Variants in TNS3 observed in about 807,000 individuals in gnomAD.
The protein encoded by TNS3 is tensin-3.
In TNS3, 45 loss-of-function variants were observed where a neutral mutation model predicts 140.9. The ratio of observed to expected loss-of-function variants is 0.32; its 90% CI spans 0.25 to 0.41. The LOEUF (loss-of-function observed/expected upper bound fraction) is 0.41. TNS3 is among the 10% of genes least tolerant of loss of function. TNS3 has a pLI of 1.00. For synonymous variants in TNS3, 815 were observed against 788.4 expected (o/e 1.03, Z -0.56); for missense variants, 1,716 against 1,906.7 (o/e 0.90, Z 1.86).
intron 20 of TNS3, among the ~76,000 whole-genome samples, chr7:47,313,921 C>G (rs1324870965): frequency 2.6e-5 from 4 of 152,208 alleles, no homozygotes; most frequent in African/African-American, 9.7e-5. Context: ...TCTGTCAGAC[C>G]AGTTCCTGAC....
intron 2 of TNS3, among the ~76,000 whole-genome samples, chr7:47,513,130 T>C (rs1798666284): frequency 6.6e-6 from 1 of 152,206 alleles, no homozygotes; most frequent in Admixed American, 6.5e-5. Context: ...TCTCAGAAAT[T>C]TAAAAAAATG....
intron 16 of TNS3, among the ~76,000 whole-genome samples, chr7:47,382,955 G>C (rs1292505661): frequency 1.3e-5 from 2 of 152,194 alleles, no homozygotes; most frequent in Non-Finnish European, 2.9e-5. Context: ...GAGGTTGGCA[G>C]TATGTTTAGT....
At chr7:47,301,862 C>T (rs1302909666) in intron 23 of TNS3, among the ~76,000 whole-genome samples, 1 of 152,186 alleles carries the variant, frequency 6.6e-6, no homozygotes, top group Non-Finnish European at 1.5e-5. Flanking sequence ...CTCCTCCTCA[C>T]AGTCAGCAGT....
intron 1 of TNS3, among the ~76,000 whole-genome samples, chr7:47,557,929 C>T (rs919052236): frequency 9.8e-5 from 15 of 152,326 alleles, no homozygotes; most frequent in African/African-American, 3.1e-4. Flanking sequence ...GCCTCTTTTC[C>T]AGAGGGCTGC....
At chr7:47,352,626 C>T (rs111409552) in intron 17 of TNS3, among the ~76,000 whole-genome samples, 2,158 of 152,310 alleles carry the variant, frequency 0.014, 54 homozygotes, top group African/African-American at 0.049. Context: ...TCCTTTCCAT[C>T]CTGGCCCCTT....
At chr7:47,302,051 T>G in intron 23 of TNS3, 135 bp downstream of exon 23, 1 of 682,878 alleles carries the variant, frequency 1.5e-6, no homozygotes, top group Non-Finnish European at 2.6e-6. Context: ...GAATAACGTG[T>G]GGGCCCTGCT....
rs527976513 is a variant in TNS3, at chr7:47,455,004, C to T, written c.-75-12949G>A. ...GTTAGATGTCCCACCCAAACTCACA[C>T]AGATCCCCCTGCAGAGAGCCTGGAA... is the stretch of plus-strand genomic sequence containing the variant. On this transcript the variant is annotated intron_variant, in intron 4 of 30. Coordinates refer to ENST00000311160, the MANE Select transcript of TNS3 (RefSeq NM_022748.12). 2.2e-4 allele frequency among the ~76,000 whole-genome samples: 34 copies of T among 152,304 alleles called. No homozygotes were observed. The East Asian group carries it at 3.3e-3, about 15-fold the overall frequency.
chr7:47,475,454 C>T (rs1478988769), intron 4 of TNS3, among the ~76,000 whole-genome samples: 1 of 152,244 alleles, frequency 6.6e-6, no homozygotes, highest in African/African-American at 2.4e-5. Context: ...CCCTCCCACA[C>T]CAGAGGCCGC....
chr7:47,522,384 C>T (rs1233846418), intron 2 of TNS3, among the ~76,000 whole-genome samples: 1 of 152,106 alleles, frequency 6.6e-6, no homozygotes, highest in African/African-American at 2.4e-5. Context: ...ACAGCCTCCA[C>T]GTAACTTCCG....
Position 47,458,319 on chromosome 7 carries a change from T to C in TNS3, c.-75-16264A>G, listed in dbSNP as rs532296748. ...GGGCTCTGCCAAAGGGCAGCTTCAC[T>C]AGCTGAGCACAGGGCATCCATTTCC... On this transcript the variant is annotated intron_variant, in intron 4 of 30. Transcript: ENST00000311160. Among the ~76,000 whole-genome samples the C allele has an allele frequency of 4.6e-5, 7 of 152,334 alleles. No individual in the cohort carries two copies. In the South Asian group the frequency reaches 1.4e-3, roughly 32 times the overall value.
chr7:47,538,213 C>T (rs1799675295), intron 1 of TNS3, among the ~76,000 whole-genome samples: 1 of 152,202 alleles, frequency 6.6e-6, no homozygotes, highest in South Asian at 2.1e-4. Context: ...CAATGCCTGT[C>T]GGACTTCACC....
intron 4 of TNS3, among the ~76,000 whole-genome samples, chr7:47,449,949 T>C (rs1035987951): frequency 2.6e-5 from 4 of 152,062 alleles, no homozygotes; most frequent in Non-Finnish European, 2.9e-5. Context: ...AGAAAACAAC[T>C]AACTGTGAAT....
intron 16 of TNS3, among the ~76,000 whole-genome samples, chr7:47,392,730 T>A (rs999546577): frequency 2.0e-5 from 3 of 151,948 alleles, no homozygotes; most frequent in African/African-American, 7.3e-5. Flanking sequence ...CTGCCTGGAG[T>A]AATAGCTCAC....
In TNS3 at chr7:47,485,405, C is replaced by T. The variant is rs79668876; in HGVS notation, c.-114-4264G>A. ...AGCTGCGTCTCAGAGAGGGCCAGCG[C>T]CAGCCACGGGAACTCTCCCAGAGAT... On this transcript the variant is annotated intron_variant, in intron 3 of 30. Coordinates refer to ENST00000311160, the MANE Select transcript of TNS3 (RefSeq NM_022748.12). 7.4e-3 allele frequency among the ~76,000 whole-genome samples: 1,129 copies of T among 152,358 alleles called. 12 individuals are homozygous for T. Among genetic ancestry groups the T allele is most frequent in the African/African-American group, 0.026 (1,064 of 41,588 alleles).
In TNS3 at chr7:47,285,455, A is replaced by G. The variant is rs529286433; in HGVS notation, c.3929-1590T>C. Among the ~76,000 whole-genome samples the G allele has an allele frequency of 1.5e-4, 23 of 152,254 alleles. No individual in the cohort carries two copies. In the South Asian group the frequency reaches 4.4e-3, roughly 29 times the overall value. ...GTCTCACGAGATCTGATGATTTTAT[A>G]AAGGGTAGTTCCCCTGCACATACTC... On this transcript the variant is annotated intron_variant, in intron 27 of 30. Transcript: ENST00000311160.
intron 15 of TNS3, among the ~76,000 whole-genome samples, chr7:47,397,519 ATT>A (rs1792905161): frequency 6.6e-6 from 1 of 152,186 alleles, no homozygotes; most frequent in African/African-American, 2.4e-5. Flanking sequence ...AGGGAAAAAA[ATT>A]GTTTCGCACA....
intron 1 of TNS3, among the ~76,000 whole-genome samples, chr7:47,544,826 G>A (rs1240357904): frequency 6.6e-6 from 1 of 152,016 alleles, no homozygotes; most frequent in East Asian, 1.9e-4. Flanking sequence ...CCGAAAATGA[G>A]AACATAGGAA....
chr7:47,456,254 G>T (rs1413892774), intron 4 of TNS3, among the ~76,000 whole-genome samples: 2 of 152,178 alleles, frequency 1.3e-5, no homozygotes, highest in Admixed American at 1.3e-4. Context: ...AGCCCAGGGT[G>T]CACTTCCCAG....
intron 30 of TNS3, 65 bp downstream of exon 30, chr7:47,280,099 G>T: frequency 6.3e-7 from 1 of 1,592,806 alleles, no homozygotes; most frequent in Non-Finnish European, 8.6e-7. Context: ...AAATCTGGAA[G>T]AGAATTCAAC....
Sources: gnomAD v4.1 joint callset for allele counts (sites outside exome capture counted in the v4.1 genomes callset) on GRCh38, gnomAD v4.1.1 for gene constraint, MANE v1.5 for transcripts, NCBI Gene and HGNC (gene_info 2026-07-23, HGNC 2026-07-21) for gene names.